The following NAV2 variants were observed in gnomAD, a reference collection of about 807,000 sequenced individuals.
The protein encoded by NAV2 is helicase, APC down-regulated 1.
NAV2 carries 54 observed loss-of-function variants against 223.2 expected under a neutral mutation model. That is an observed-to-expected ratio of 0.24 (90% CI 0.19 to 0.30). The LOEUF (loss-of-function observed/expected upper bound fraction) is 0.30. NAV2 is among the 10% of genes least tolerant of loss of function. The pLI is 1.00. For synonymous variants in NAV2, 1,279 were observed against 1,239.3 expected (o/e 1.03, Z -0.67); for missense variants, 2,806 against 3,147.5 (o/e 0.89, Z 2.60).
At chr11:19,432,448 T>G (rs1851069889) in intron 1 of NAV2, among the ~76,000 whole-genome samples, 1 of 152,202 alleles carries the variant, frequency 6.6e-6, no homozygotes, top group African/African-American at 2.4e-5. Flanking sequence ...AAAGATCATA[T>G]TCTCTCCCTG....
chr11:19,422,834 G>T (rs545364602), intron 1 of NAV2, among the ~76,000 whole-genome samples: 1 of 152,090 alleles, frequency 6.6e-6, no homozygotes, highest in Non-Finnish European at 1.5e-5. Flanking sequence ...GCCATTCATT[G>T]ATCCATTGAT....
chr11:19,773,616 A>C (rs1403275739), intron 1 of NAV2, among the ~76,000 whole-genome samples: 1 of 152,150 alleles, frequency 6.6e-6, no homozygotes, highest in East Asian at 1.9e-4. Flanking sequence ...AAGATTATGG[A>C]AATAGGAGGA....
chr11:20,107,922 CCAGTGTAGGGACACA>C, intron 36 of NAV2, 140 bp downstream of exon 36: 1 of 679,358 alleles, frequency 1.5e-6, no homozygotes. Context: ...TCAGTGTAGT[CCAGTGTAGGGACACA>C]CCTGGCTGCA....
chr11:19,833,455 T>C (rs965665617), intron 2 of NAV2, among the ~76,000 whole-genome samples: 21 of 152,250 alleles, frequency 1.4e-4, no homozygotes, highest in African/African-American at 4.6e-4. Context: ...AGGTTGGCCT[T>C]AGCTGAAACT....
chr11:19,921,462 C>T (rs191655699), intron 6 of NAV2, among the ~76,000 whole-genome samples: 2 of 152,286 alleles, frequency 1.3e-5, no homozygotes, highest in African/African-American at 2.4e-5. Flanking sequence ...AATTGTCTGA[C>T]GTTCCTATTT....
intron 1 of NAV2, among the ~76,000 whole-genome samples, chr11:19,514,439 C>T (rs915621458): frequency 5.3e-5 from 8 of 152,134 alleles, no homozygotes; most frequent in African/African-American, 1.9e-4. Flanking sequence ...AAATATTTAT[C>T]AACTCCTCAA....
chr11:19,709,335 G>A (rs978096204), upstream of NAV2, among the ~76,000 whole-genome samples: 1 of 152,002 alleles, frequency 6.6e-6, no homozygotes, highest in Non-Finnish European at 1.5e-5. Context: ...GAGGTCAGGA[G>A]GTCGAGACCA....
intron 3 of NAV2, among the ~76,000 whole-genome samples, chr11:19,854,448 A>T (rs1251014673): frequency 6.6e-6 from 1 of 152,198 alleles, no homozygotes; most frequent in Non-Finnish European, 1.5e-5. Flanking sequence ...ATAAAAATCA[A>T]TATATTTCAT....
intron 36 of NAV2, among the ~76,000 whole-genome samples, chr11:20,113,244 G>A (rs954514100): frequency 6.6e-6 from 1 of 152,144 alleles, no homozygotes; most frequent in Non-Finnish European, 1.5e-5. Flanking sequence ...GAGTTGCACG[G>A]TGGTTAAGCA....
At chr11:19,700,952 G>A (rs2049494990) in intron 1 of NAV2, among the ~76,000 whole-genome samples, 1 of 152,184 alleles carries the variant, frequency 6.6e-6, no homozygotes, top group Non-Finnish European at 1.5e-5. Context: ...GCAGCTATAA[G>A]GTTCTAGACT....
intron 1 of NAV2, among the ~76,000 whole-genome samples, chr11:19,734,005 G>T (rs1433759021): frequency 1.3e-5 from 2 of 152,160 alleles, no homozygotes; most frequent in Non-Finnish European, 2.9e-5. Flanking sequence ...CCCATTTTTA[G>T]TTGAGGAAAT....
chr11:20,108,606 CT>C (rs5790107), intron 36 of NAV2, among the ~76,000 whole-genome samples: 79,192 of 121,642 alleles, frequency 0.65, 28,285 homozygotes, highest in Non-Finnish European at 0.83. Flanking sequence ...CCACACCTGG[CT>C]TTTTTTTTTT....
At chr11:19,410,135 G>C (rs925569421) in intron 1 of NAV2, among the ~76,000 whole-genome samples, 1 of 152,196 alleles carries the variant, frequency 6.6e-6, no homozygotes, top group Non-Finnish European at 1.5e-5. Context: ...GGCAGACAGA[G>C]GTGGTCCTCC....
At chr11:19,455,967 A>G (rs1851944241) in intron 1 of NAV2, among the ~76,000 whole-genome samples, 2 of 152,300 alleles carry the variant, frequency 1.3e-5, no homozygotes, top group Middle Eastern at 3.4e-3. Context: ...CTAAAGCCTG[A>G]CCGTGCATAT....
intron 5 of NAV2, among the ~76,000 whole-genome samples, chr11:19,891,864 A>G (rs996079711): frequency 4.6e-5 from 7 of 152,188 alleles, no homozygotes; most frequent in Admixed American, 2.6e-4. Flanking sequence ...TGAGGGCTTT[A>G]TGTTCCATGC....
At chr11:19,563,230 G>A (rs1042092535) in intron 1 of NAV2, among the ~76,000 whole-genome samples, 17 of 152,172 alleles carry the variant, frequency 1.1e-4, no homozygotes, top group Admixed American at 8.5e-4. Context: ...AATTTCCCAC[G>A]CCTGCCCAAT....
At chr11:20,020,433 G>A (rs966871222) in intron 11 of NAV2, among the ~76,000 whole-genome samples, 1 of 152,212 alleles carries the variant, frequency 6.6e-6, no homozygotes, top group Non-Finnish European at 1.5e-5. Flanking sequence ...GCGCCAAAGG[G>A]CATCTGCCCT....
At chr11:19,612,298 A>T (rs1169229211) in intron 1 of NAV2, among the ~76,000 whole-genome samples, 1 of 152,124 alleles carries the variant, frequency 6.6e-6, no homozygotes, top group East Asian at 1.9e-4. Context: ...CATGGCCTGG[A>T]GACATTTTCC....
At position 19,496,177 on chromosome 11, in the gene NAV2, TA is replaced by T. The variant is rs1164330769; in HGVS notation, c.75+145155del. 2.0e-5 allele frequency among the ~76,000 whole-genome samples: 3 copies of T among 152,228 alleles called. No individual in the cohort carries two copies. The East Asian group carries it at 5.8e-4, about 29-fold the overall frequency. On this transcript the variant is annotated intron_variant, in intron 1 of 37. Coordinates refer to the NAV2 transcript ENST00000360655. The stretch of plus-strand genomic sequence containing the variant: ...TTTTCTCAAGATATTTTTCTCTGAT[TA>T]AAAAGCCTCCCCAAAGATTGAAAAA...
Sources: allele counts gnomAD v4.1 joint callset (sites outside exome capture counted in the v4.1 genomes callset), GRCh38; gene constraint gnomAD v4.1.1; transcripts MANE v1.5; gene names NCBI Gene and HGNC (gene_info 2026-07-23, HGNC 2026-07-21).